The following SORCS1 variants were observed in gnomAD, a reference collection of about 807,000 sequenced individuals.
SORCS1 encodes VPS10 domain-containing receptor SorCS1.
In SORCS1, 60 loss-of-function variants were observed where a neutral mutation model predicts 146.1. The ratio of observed to expected loss-of-function variants is 0.41; its 90% confidence interval spans 0.33 to 0.51. SORCS1 has a LOEUF of 0.51. Ranked by LOEUF, SORCS1 falls within the 20% of genes least tolerant of loss-of-function variation. SORCS1 has a pLI of 0.21. For synonymous variants in SORCS1, 637 were observed against 584.0 expected, an observed-to-expected ratio of 1.09 and a Z score of -1.31; for missense variants, 1,352 against 1,487.6, an observed-to-expected ratio of 0.91 and a Z score of 1.50.
chr10:106,978,797 CAAA>C (rs35921955), intron 1 of SORCS1, among the ~76,000 whole-genome samples: 8 of 127,364 alleles, frequency 6.3e-5, no homozygotes, highest in Non-Finnish European at 8.4e-5. Context: ...GACTCCATCT[CAAA>C]AAAAAAAAAA....
chr10:106,587,935 T>C (rs1845343119), intron 24 of SORCS1, among the ~76,000 whole-genome samples: 1 of 152,190 alleles, frequency 6.6e-6, no homozygotes, highest in Non-Finnish European at 1.5e-5. Flanking sequence ...AATGTGCGTT[T>C]ATCCAGAACT....
chr10:106,610,145 A>C (rs773626326), intron 22 of SORCS1, among the ~76,000 whole-genome samples: 1 of 152,138 alleles, frequency 6.6e-6, no homozygotes, highest in Non-Finnish European at 1.5e-5. Flanking sequence ...ATAGAGACAG[A>C]GGTGGGTGGC....
rs115131840 is a variant in SORCS1, at chr10:107,097,713, C to T, written c.558+66256G>A. The stretch of plus-strand genomic sequence containing the variant: ...CTCTCGATTCTGGTCACCAAACTCT[C>T]AGCCTCTTTAGGACCAGAGGTGATA... On this transcript the variant is annotated intron_variant, in intron 1 of 25. Coordinates refer to ENST00000263054, the MANE Select transcript of SORCS1 (RefSeq NM_052918.5). Among the ~76,000 whole-genome samples, 711 of 152,308 alleles carry T rather than the reference C, an allele frequency of 4.7e-3. 8 individuals carry two copies. The highest frequency in any genetic ancestry group is 0.016 in the African/African-American group (645 of 41,578).
At chr10:107,089,675 A>G (rs1370067015) in intron 1 of SORCS1, among the ~76,000 whole-genome samples, 1 of 152,212 alleles carries the variant, frequency 6.6e-6, no homozygotes, top group East Asian at 1.9e-4. Flanking sequence ...ACCTAACAAA[A>G]AGACAAAAGG....
At chr10:107,080,890 T>C (rs978591706) in intron 1 of SORCS1, among the ~76,000 whole-genome samples, 3 of 152,228 alleles carry the variant, frequency 2.0e-5, no homozygotes, top group Non-Finnish European at 4.4e-5. Flanking sequence ...AGGACCCTTC[T>C]TTCTATTCTG....
At chr10:106,973,134 T>C (rs1564874098) in intron 1 of SORCS1, among the ~76,000 whole-genome samples, 1 of 152,160 alleles carries the variant, frequency 6.6e-6, no homozygotes, top group Non-Finnish European at 1.5e-5. Context: ...GAGTGAAGCT[T>C]CTCAAGAATT....
chr10:107,164,026 C>T lies in SORCS1; in HGVS notation c.501G>A (p.Leu167=). 2.5e-6 allele frequency: 4 copies of T among 1,614,108 alleles called. No homozygotes were observed. The highest frequency in any genetic ancestry group is 3.4e-6 in the Non-Finnish European group (4 of 1,180,020). The part of the protein sequence containing the change: ...ELRLTSTTFA[L]TGDSAHNQAM... ...CTTGGTTGTGTGCTGAGTCTCCCGT[C>T]AGCGCAAACGTGGTGCTGGTCAGTC... Residue 167 remains leucine (L), a synonymous_variant, in exon 1 of 26, where the codon CTG becomes CTA. Transcript: ENST00000263054. The surrounding 1 kb of genome is among the most constrained non-coding windows in gnomAD (Gnocchi z 6.8).
intron 1 of SORCS1, among the ~76,000 whole-genome samples, chr10:107,006,551 C>T (rs544051858): frequency 1.3e-5 from 2 of 152,356 alleles, no homozygotes; most frequent in Admixed American, 6.5e-5. Context: ...GGCATGGTGG[C>T]TCACGCCTGT....
chr10:107,164,735 C>G (rs1314505692), upstream of SORCS1, among the ~76,000 whole-genome samples: 6 of 149,862 alleles, frequency 4.0e-5, no homozygotes, highest in Non-Finnish European at 8.9e-5. This position sits in a 1 kb window ranked among gnomAD's most constrained non-coding sequence, Gnocchi z 6.8. Flanking sequence ...CGGAGCGAGC[C>G]GCCGCCGCGC....
At chr10:107,078,907 C>T (rs1377989900) in intron 1 of SORCS1, among the ~76,000 whole-genome samples, 1 of 152,176 alleles carries the variant, frequency 6.6e-6, no homozygotes, top group African/African-American at 2.4e-5. Flanking sequence ...ACAAAAGGTA[C>T]TCAAGGAGTT....
At chr10:107,053,790 G>T (rs112649524) in intron 1 of SORCS1, among the ~76,000 whole-genome samples, 101 of 152,218 alleles carry the variant, frequency 6.6e-4, no homozygotes, top group Middle Eastern at 3.4e-3. Flanking sequence ...TCACTGCTAG[G>T]GGTTTCCAAG....
chr10:106,937,596 T>C (rs929144583), intron 2 of SORCS1, among the ~76,000 whole-genome samples: 15 of 152,178 alleles, frequency 9.9e-5, no homozygotes, highest in African/African-American at 1.7e-4. Context: ...TCCCCAACCA[T>C]GTGGACTGTG....
At chr10:106,785,313 T>C (rs7100070) in intron 3 of SORCS1, among the ~76,000 whole-genome samples, 38,749 of 152,166 alleles carry the variant, frequency 0.25, 5,190 homozygotes, top group Non-Finnish European at 0.29. Context: ...AGGGCCCATT[T>C]GTCTTTCCCA....
At chr10:107,046,973 C>T (rs7920133) in intron 1 of SORCS1, among the ~76,000 whole-genome samples, 82,728 of 152,012 alleles carry the variant, frequency 0.54, 23,993 homozygotes, top group African/African-American at 0.72. Context: ...TTTTGTTTTG[C>T]TGTATTTTAT....
At chr10:107,013,326 A>G (rs1199544491) in intron 1 of SORCS1, among the ~76,000 whole-genome samples, 1 of 152,050 alleles carries the variant, frequency 6.6e-6, no homozygotes, top group Non-Finnish European at 1.5e-5. Context: ...ACCTTGCAGA[A>G]GTTAAAATAA....
intron 2 of SORCS1, among the ~76,000 whole-genome samples, chr10:106,857,381 AAGCT>A (rs1949829991): frequency 6.6e-6 from 1 of 152,244 alleles, no homozygotes; most frequent in Admixed American, 6.5e-5. Flanking sequence ...CTATAGAGGG[AAGCT>A]TGGGCACAGG....
chr10:106,836,183 T>G (rs1386127880), intron 2 of SORCS1, among the ~76,000 whole-genome samples: 2 of 151,768 alleles, frequency 1.3e-5, no homozygotes, highest in Admixed American at 6.6e-5. Context: ...ACTACAGAAC[T>G]TGGGAGGTGC....
rs1844597794 is a variant in SORCS1 at position 106,576,754 on chromosome 10, A to G, written c.*666T>C. On this transcript the variant is annotated 3_prime_UTR_variant, in exon 26 of 26. Transcript: ENST00000263054. Reference sequence around the variant, plus strand: ...GCTAACTTAGAAGGGAAATGACAGTATGGAAAGTGGAACAGAGAAACAGCT... The same window carrying G: ...GCTAACTTAGAAGGGAAATGACAGTGTGGAAAGTGGAACAGAGAAACAGCT... The G allele has an allele frequency of 6.4e-6, 1 of 155,432 alleles. No homozygotes were observed. The highest frequency in any genetic ancestry group is 2.4e-5 in the African/African-American group (1 of 41,468). The allele number at this position is 155,432 out of a possible 1,614,324, so 9.6% of individuals were successfully genotyped here. A position where few individuals can be genotyped will look rare whatever the true frequency, so the allele number is the denominator to read the frequency against.
At chr10:106,951,388 T>C (rs1954673451) in intron 2 of SORCS1, among the ~76,000 whole-genome samples, 1 of 151,842 alleles carries the variant, frequency 6.6e-6, no homozygotes, top group Non-Finnish European at 1.5e-5. Flanking sequence ...CGGGCATCTG[T>C]AGTCTCAGCT....
Sources: allele counts gnomAD v4.1 joint callset (sites outside exome capture counted in the v4.1 genomes callset), GRCh38; gene constraint gnomAD v4.1.1; non-coding constraint Gnocchi (gnomAD v3.1); transcripts MANE v1.5; gene names NCBI Gene and HGNC (gene_info 2026-07-23, HGNC 2026-07-21).